SDHA: variants seen among roughly 807,000 people sequenced by gnomAD.
The protein encoded by SDHA is succinate dehydrogenase [ubiquinone] flavoprotein subunit, mitochondrial.
SDHA carries 48 observed loss-of-function variants against 78.4 expected under a neutral mutation model. The observed-to-expected ratio is 0.61, with a 90% CI of 0.49 to 0.78. The LOEUF is 0.78. SDHA is among the 30% of genes least tolerant of loss of function. The pLI is 0.00. For synonymous variants in SDHA, 326 were observed against 353.9 expected (o/e 0.92, Z 0.88); for missense variants, 680 against 892.7 (o/e 0.76, Z 3.04).
chr5:240,557 A>T, intron 11 of SDHA, 81 bp downstream of exon 11: 1 of 882,288 alleles, frequency 1.1e-6, no homozygotes. Flanking sequence ...TAAAAACTAG[A>T]TCTAGGGGGA....
At chr5:236,827 T>G (rs1249856288) in intron 10 of SDHA, among the ~76,000 whole-genome samples, 1 of 151,884 alleles carries the variant, frequency 6.6e-6, no homozygotes, top group Non-Finnish European at 1.5e-5. Flanking sequence ...TAAAAAAATT[T>G]ATTTTGTAGA....
At chr5:259,448 T>C (rs1490957129), downstream of SDHA, among the ~76,000 whole-genome samples, 7 of 43,092 alleles carry the variant, frequency 1.6e-4, no homozygotes, top group East Asian at 8.8e-4. Context: ...GACAGAGCAT[T>C]ACCGTGTGAG....
Position 252,527 on chromosome 5 carries a change from T to C in SDHA, c.1794+1059T>C, listed in dbSNP as rs866357910. On this transcript the variant is annotated intron_variant, in intron 13 of 14. Transcript: ENST00000264932. The stretch of plus-strand genomic sequence containing the variant: ...AAATGCCAGTTTATTAACGAGTAAG[T>C]CACCGTTTCAAACCTGCCCTGTGGA... Among the ~76,000 whole-genome samples the C allele has an allele frequency of 2.3e-3, 273 of 118,502 alleles. 3 individuals are homozygous for C. Among genetic ancestry groups the C allele is most frequent in the African/African-American group, 3.3e-3 (74 of 22,154 alleles). The allele number at this position is 118,502 out of a possible 152,430, so 77.7% of individuals were successfully genotyped here. A position where few individuals can be genotyped will look rare whatever the true frequency, so the allele number is the denominator to read the frequency against.
intron 10 of SDHA, among the ~76,000 whole-genome samples, chr5:240,151 A>G (rs1450293799): frequency 6.6e-6 from 1 of 152,168 alleles, no homozygotes; most frequent in Non-Finnish European, 1.5e-5. Context: ...GTGTGCCAAC[A>G]ATTTTGCCTT....
chr5:241,359 G>T (rs1266912156), intron 11 of SDHA, among the ~76,000 whole-genome samples: 1 of 152,192 alleles, frequency 6.6e-6, no homozygotes, highest in African/African-American at 2.4e-5. Context: ...TATCGATCAT[G>T]TCATCATGCC....
chr5:246,936 G>A (rs985827020), intron 11 of SDHA, among the ~76,000 whole-genome samples: 2 of 151,516 alleles, frequency 1.3e-5, no homozygotes, highest in African/African-American at 4.9e-5. Context: ...GTCTTACTTG[G>A]CAAACCCATT....
chr5:236,057 C>T (rs890290899), intron 9 of SDHA: 5 of 327,770 alleles, frequency 1.5e-5, no homozygotes, highest in African/African-American at 8.7e-5. Flanking sequence ...TGCAGTCTCA[C>T]TCTGTTGCTT....
chr5:231,148 C>A, intron 7 of SDHA, 148 bp downstream of exon 7: 1 of 968,486 alleles, frequency 1.0e-6, no homozygotes, highest in Non-Finnish European at 1.6e-6. Context: ...ACTTCAACGT[C>A]ATTTACCTAA....
intron 10 of SDHA, 119 bp downstream of exon 10, chr5:236,718 G>A: frequency 4.1e-6 from 4 of 965,524 alleles, no homozygotes; most frequent in Admixed American, 2.0e-5. Context: ...AGTCATAGCA[G>A]CCTCAACCTC....
At chr5:259,738 C>A (rs1737415103), downstream of SDHA, among the ~76,000 whole-genome samples, 1 of 35,808 alleles carries the variant, frequency 2.8e-5, no homozygotes, top group East Asian at 5.0e-4. Flanking sequence ...CCGAGCATTA[C>A]CGTGTGAGCT....
intron 1 of SDHA, among the ~76,000 whole-genome samples, chr5:221,828 G>A (rs1325968115): frequency 6.6e-6 from 1 of 152,096 alleles, no homozygotes; most frequent in Non-Finnish European, 1.5e-5. Flanking sequence ...TTTCGCCAGG[G>A]GGATGGCGTG....
At chr5:229,138 G>A (rs1256523464) in intron 6 of SDHA, among the ~76,000 whole-genome samples, 5 of 152,172 alleles carry the variant, frequency 3.3e-5, no homozygotes, top group Admixed American at 6.5e-5. Flanking sequence ...GTGAGGATGT[G>A]GAGAAAAGGG....
At chr5:261,830 GC>G (rs202181109), downstream of SDHA, among the ~76,000 whole-genome samples, 14 of 54 alleles carry the variant, frequency 0.26, 4 homozygotes, top group East Asian at 1. Context: ...TGTGAGCTCC[GC>G]CCTCCCGTCA....
chr5:266,758 C>CGGTGGCCTCTG, the SDHA span, among the ~76,000 whole-genome samples: 1 of 152,196 alleles, frequency 6.6e-6, no homozygotes, highest in Non-Finnish European at 1.5e-5. Context: ...GCAGTAGACA[C>CGGTGGCCTCTG]CGTGGCCGCT....
intron 11 of SDHA, among the ~76,000 whole-genome samples, chr5:241,169 C>T (rs1290200785): frequency 3.3e-5 from 5 of 152,148 alleles, no homozygotes; most frequent in Admixed American, 6.5e-5. Context: ...GTGGTTCACT[C>T]GTGTGTGCTT....
In SDHA at chr5:233,554, A is replaced by T. The variant is rs1735554095; in HGVS notation, c.973A>T (p.Arg325Trp). 1 of 1,614,066 alleles carries T rather than the reference A, an allele frequency of 6.2e-7. No individual in the cohort carries two copies. Among genetic ancestry groups the T allele is most frequent in the Non-Finnish European group, 8.5e-7 (1 of 1,180,038 alleles). Residue 325 changes from arginine (R) to tryptophan (W), a missense_variant, in exon 8 of 15, where the codon AGG (arginine) becomes TGG (tryptophan). Arg to Trp is a moderately radical substitution (Grantham distance 101). Transcript: ENST00000264932. ...CATTCTCATTAACAGTCAAGGCGAA[A>T]GGTTTATGGAGCGATACGCCCCTGT... ...GGILINSQGE[R>W]FMERYAPVAK...
At chr5:250,609 C>T (rs961011682) in intron 11 of SDHA, 13 of 344,856 alleles carry the variant, frequency 3.8e-5, no homozygotes, top group African/African-American at 1.7e-4. Context: ...GCTTGTGTCA[C>T]GTTCACCACC....
In SDHA at chr5:254,590, C is replaced by G; in HGVS notation, c.1908+84C>G. 3.4e-6 allele frequency: 5 copies of G among 1,478,390 alleles called. No individual in the cohort carries two copies. The South Asian group carries it at 6.1e-5, about 18-fold the overall frequency. The allele number at this position is 1,478,390 out of a possible 1,614,324, so 91.6% of individuals were successfully genotyped here. A position where few individuals can be genotyped will look rare whatever the true frequency, so the allele number is the denominator to read the frequency against. On this transcript the variant is annotated intron_variant, in intron 14 of 14. Transcript: ENST00000264932. ...GCGGGCTGGCCTTGCTGATGGTGAA[C>G]GGGGAAGAGCAGGCCAGATTTAAAT...
At chr5:232,854 G>A (rs9312983) in intron 7 of SDHA, among the ~76,000 whole-genome samples, 31,408 of 152,072 alleles carry the variant, frequency 0.21, 6,071 homozygotes, top group African/African-American at 0.51. Flanking sequence ...GCTGTTTGGA[G>A]CACAGACCGC....
Sources: allele counts gnomAD v4.1 joint callset (sites outside exome capture counted in the v4.1 genomes callset), GRCh38; gene constraint gnomAD v4.1.1; transcripts MANE v1.5; gene names NCBI Gene and HGNC (gene_info 2026-07-23, HGNC 2026-07-21).